MRE11: variants seen among roughly 807,000 people sequenced by gnomAD.
The protein encoded by MRE11 is MRE11 double strand break repair nuclease.
In MRE11, 62 loss-of-function variants were observed where a neutral mutation model predicts 91.7. That is an observed-to-expected ratio of 0.68 (90% confidence interval 0.55 to 0.84). The LOEUF (loss-of-function observed/expected upper bound fraction) is 0.84. MRE11 is among the 40% of genes least tolerant of loss of function. The pLI is 0.00. For synonymous variants in MRE11, 273 were observed against 271.4 expected, an observed-to-expected ratio of 1.01 and a Z score of -0.06; for missense variants, 796 against 852.9, an observed-to-expected ratio of 0.93 and a Z score of 0.83.
At chr11:94,503,096 AT>A in the MRE11 span, among the ~76,000 whole-genome samples, 323 of 152,116 alleles carry the variant, frequency 2.1e-3, 2 homozygotes, top group African/African-American at 7.3e-3. Context: ...AGTTCATAGT[AT>A]TTTTTTTATC....
intron 7 of MRE11, among the ~76,000 whole-genome samples, chr11:94,474,414 T>G (rs902685181): frequency 4.0e-5 from 6 of 151,794 alleles, no homozygotes; most frequent in African/African-American, 1.5e-4. Context: ...AAAAAACTGA[T>G]AGTACTGGAT....
intron 14 of MRE11, among the ~76,000 whole-genome samples, chr11:94,454,837 G>T (rs1169064124): frequency 6.6e-6 from 1 of 151,932 alleles, no homozygotes; most frequent in Non-Finnish European, 1.5e-5. Context: ...AAATTGAAAG[G>T]GTTAATCAAT....
At chr11:94,450,468 T>G (rs1273391515) in intron 14 of MRE11, among the ~76,000 whole-genome samples, 1 of 152,150 alleles carries the variant, frequency 6.6e-6, no homozygotes, top group Admixed American at 6.6e-5. Flanking sequence ...CAAGACCCCA[T>G]GAAACTTTTT....
intron 3 of MRE11, among the ~76,000 whole-genome samples, chr11:94,486,970 G>A (rs1024962842): frequency 5.9e-5 from 9 of 152,176 alleles, no homozygotes; most frequent in Admixed American, 1.3e-4. Flanking sequence ...TGTGCGTATG[G>A]TAGTTAGGAT....
rs1206877165 is a variant in MRE11, at chr11:94,479,728, G to A, written c.348C>T (p.Leu116=). Reference sequence around the variant, plus strand: ...TACTAAACACTGGAATTGAAATGTTGAGGTTGCCATCTTGATAGTTCACCC... The same window carrying A: ...TACTAAACACTGGAATTGAAATGTTAAGGTTGCCATCTTGATAGTTCACCC... ...FPWVNYQDGN[L]NISIPVFSIH... The change falls in exon 5 of 20, where the codon CTC becomes CTT. Residue 116 remains leucine, a synonymous_variant. Transcript: ENST00000323929. 6.2e-7 allele frequency: 1 copy of A among 1,612,670 alleles called. No individual in the cohort carries two copies. The highest frequency in any genetic ancestry group is 8.5e-7 in the Non-Finnish European group (1 of 1,179,678).
chr11:94,458,198 T>C (rs192886708), intron 13 of MRE11, among the ~76,000 whole-genome samples: 1 of 151,516 alleles, frequency 6.6e-6, no homozygotes, highest in East Asian at 1.9e-4. Flanking sequence ...TTTTTTTTTT[T>C]AAATAACATT....
chr11:94,487,357 T>G (rs1217277462), intron 3 of MRE11, among the ~76,000 whole-genome samples: 2 of 152,220 alleles, frequency 1.3e-5, no homozygotes, highest in Non-Finnish European at 2.9e-5. Context: ...ACGACTCACT[T>G]CTGTGGTATT....
chr11:94,459,716 T>G (rs1483325350), intron 12 of MRE11, 135 bp from the exon 13 acceptor site: 1 of 981,858 alleles, frequency 1.0e-6, no homozygotes, highest in Non-Finnish European at 1.5e-6. Flanking sequence ...CCTACTAATA[T>G]CAGGAACCAG....
the MRE11 span, among the ~76,000 whole-genome samples, chr11:94,508,548 A>G: frequency 6.6e-6 from 1 of 152,124 alleles, no homozygotes; most frequent in Non-Finnish European, 1.5e-5. Flanking sequence ...CACACACACT[A>G]CATTGCAGTG....
rs1554996391 is a variant in MRE11 at position 94,419,465 on chromosome 11, G to GGAGAGGGAGAGAGAGAGAGA, written c.*659_*660insTCTCTCTCTCTCTCCCTCTC. On this transcript the variant is annotated 3_prime_UTR_variant, in exon 20 of 20. Transcript: ENST00000323929. Reference sequence around the variant, plus strand: ...GAAGAGTGGGGAACGGGGGGGAGAGGGAGAGAGAGAGAGAGAGAGAGAGAG... The same window carrying GGAGAGGGAGAGAGAGAGAGA: ...GAAGAGTGGGGAACGGGGGGGAGAGGGAGAGGGAGAGAGAGAGAGAGAGAGAGAGAGAGAGAGAGAGAGAG... The GGAGAGGGAGAGAGAGAGAGA allele has an allele frequency of 1.5e-5, 3 of 196,748 alleles. No individual in the cohort carries two copies. The highest frequency in any genetic ancestry group is 7.6e-5 in the African/African-American group (3 of 39,712). 12.2% of individuals were successfully genotyped at this position (196,748 alleles called of 1,614,324 possible).
intron 16 of MRE11, among the ~76,000 whole-genome samples, chr11:94,444,702 C>G (rs975763878): frequency 2.6e-5 from 4 of 152,212 alleles, no homozygotes; most frequent in Non-Finnish European, 5.9e-5. Context: ...ACTTGTGCAG[C>G]TGTCCTTTTG....
At chr11:94,499,089 A>C in the MRE11 span, 2 of 154,802 alleles carry the variant, frequency 1.3e-5, no homozygotes, top group Non-Finnish European at 1.4e-5. Flanking sequence ...GTCTTTTAGA[A>C]CACAGACCAT....
At chr11:94,496,349 C>G (rs567067670), upstream of MRE11, among the ~76,000 whole-genome samples, 2 of 152,144 alleles carry the variant, frequency 1.3e-5, no homozygotes, top group South Asian at 4.1e-4. Context: ...ATACCTAAAC[C>G]AGTAGATTAA....
chr11:94,450,447 A>C (rs1275963984), intron 14 of MRE11, among the ~76,000 whole-genome samples: 1 of 152,342 alleles, frequency 6.6e-6, no homozygotes, highest in East Asian at 1.9e-4. Context: ...CTGAAAATTA[A>C]TAATATACTT....
intron 14 of MRE11, among the ~76,000 whole-genome samples, chr11:94,448,379 C>A (rs187910005): frequency 5.3e-4 from 81 of 151,944 alleles, no homozygotes; most frequent in African/African-American, 1.9e-3. Context: ...GAGTTAGGGA[C>A]CAGCCTGGGC....
chr11:94,467,855 CA>C lies in MRE11; in HGVS notation c.1055del (p.Leu352ArgfsTer38). The C allele has an allele frequency of 6.2e-7, 1 of 1,613,726 alleles. No individual in the cohort carries two copies. The highest frequency in any genetic ancestry group is 8.5e-7 in the Non-Finnish European group (1 of 1,179,798). On this transcript the variant is annotated frameshift_variant, in exon 10 of 20. Transcript: ENST00000323929. LOFTEE classifies it high-confidence loss of function. The part of the protein sequence containing the change: ...EMLENAERER[L>X]GNSHQPEKPL... ...GCTTCTCTGGCTGGTGAGAATTACC[CA>C]GACGTTCCCGTTCAGCATTTTCAAG...
the MRE11 span, among the ~76,000 whole-genome samples, chr11:94,501,356 T>C: frequency 6.6e-6 from 1 of 152,102 alleles, no homozygotes; most frequent in Non-Finnish European, 1.5e-5. Flanking sequence ...AGAGGACTCA[T>C]GCAATAAGGA....
intron 18 of MRE11, 25 bp downstream of exon 18, chr11:94,435,806 CT>C (rs1565205645): frequency 6.3e-7 from 1 of 1,595,944 alleles, no homozygotes; most frequent in Admixed American, 1.7e-5. Flanking sequence ...TCAGATGTTT[CT>C]TTTGCAGAAA....
intron 17 of MRE11, 134 bp from the exon 18 acceptor site, chr11:94,436,033 C>T (rs1945601997): frequency 1.2e-6 from 1 of 808,734 alleles, no homozygotes; most frequent in South Asian, 1.4e-5. Flanking sequence ...AAAGCCATAA[C>T]CATTAAAACT....
Sources: gnomAD v4.1 joint callset for allele counts (sites outside exome capture counted in the v4.1 genomes callset) on GRCh38, gnomAD v4.1.1 for gene constraint, MANE v1.5 for transcripts, NCBI Gene and HGNC (gene_info 2026-07-23, HGNC 2026-07-21) for gene names.